The following ZNF395 variants were observed in gnomAD, a reference collection of about 807,000 sequenced individuals.
The protein encoded by ZNF395 is zinc finger protein 395.
ZNF395 carries 20 observed loss-of-function variants against 57.7 expected under a neutral mutation model. That is an observed-to-expected ratio of 0.35 (90% confidence interval 0.24 to 0.50). The LOEUF (loss-of-function observed/expected upper bound fraction) is 0.50, where lower values mean the gene tolerates loss of function less well. Ranked by LOEUF, ZNF395 falls within the 20% of genes least tolerant of loss-of-function variation. The probability of loss-of-function intolerance (pLI) is 0.97; values close to 1 mark genes in which losing one functional copy is unlikely to be tolerated. For missense variants in ZNF395, 606 were observed against 671.2 expected (o/e 0.90, Z 1.07); for synonymous variants, 295 against 275.9 (o/e 1.07, Z -0.69).
chr8:28,358,644 C>G (rs1472000003), intron 3 of ZNF395, among the ~76,000 whole-genome samples: 1 of 152,100 alleles, frequency 6.6e-6, no homozygotes, highest in Non-Finnish European at 1.5e-5. Flanking sequence ...CCTATGTTGC[C>G]CAGGCTGGTC....
rs71549661 is a variant in ZNF395, at chr8:28,377,748, CTTT to C, written c.-59+8642_-59+8644del. ...GAATAGAAGTGGCATGATGATCCCA[CTTT>C]TTTTTTTTTTTTTTTTTTTTTTGAG... On this transcript the variant is annotated intron_variant, in intron 1 of 9. Coordinates refer to ENST00000344423, the MANE Select transcript of ZNF395 (RefSeq NM_018660.3). 8.9e-5 allele frequency among the ~76,000 whole-genome samples: 9 copies of C among 100,636 alleles called. No individual in the cohort carries two copies. The South Asian group carries it at 1.6e-3, about 18-fold the overall frequency. 66.0% of individuals were successfully genotyped at this position (100,636 alleles called of 152,430 possible).
At chr8:28,373,587 T>A (rs938699343) in intron 1 of ZNF395, among the ~76,000 whole-genome samples, 3 of 152,180 alleles carry the variant, frequency 2.0e-5, no homozygotes, top group Admixed American at 6.5e-5. Context: ...GAACTGAGTT[T>A]AGAATTTCCC....
chr8:28,351,741 C>G lies in ZNF395; in HGVS notation c.987G>C (p.Lys329Asn). ...EDFYYTEVQL[K>N]EESAAAAAAA... Reference sequence around the variant, plus strand: ...CAGCAGCAGCAGCAGCAGATTCCTCCTTCAGCTGCACCTCTGTGTAGTAGA... The same window carrying G: ...CAGCAGCAGCAGCAGCAGATTCCTCGTTCAGCTGCACCTCTGTGTAGTAGA... Residue 329 changes from lysine to asparagine, a missense_variant, in exon 7 of 10, where the codon AAG (lysine) becomes AAC (asparagine). Lys to Asn is a moderately conservative substitution (Grantham distance 94, BLOSUM62 0). Around this residue, in one of 3 missense-constraint regions of ZNF395, gnomAD observed 261 missense variants for 240.3 expected, o/e 1.09. Coordinates refer to ENST00000344423, the MANE Select transcript of ZNF395 (RefSeq NM_018660.3). 6.2e-6 allele frequency: 10 copies of G among 1,604,084 alleles called. No homozygotes were observed. The highest frequency in any genetic ancestry group is 8.5e-6 in the Non-Finnish European group (10 of 1,179,202).
rs1428245578 is a variant in ZNF395 at position 28,348,157 on chromosome 8, G to T, written c.*562C>A. 6.6e-6 allele frequency: 1 copy of T among 151,904 alleles called. No homozygotes were observed. Among genetic ancestry groups the T allele is most frequent in the East Asian group, 1.9e-4 (1 of 5,190 alleles). 9.4% of individuals were successfully genotyped at this position (151,904 alleles called of 1,614,324 possible). On this transcript the variant is annotated 3_prime_UTR_variant, in exon 10 of 10. Coordinates refer to ENST00000344423, the MANE Select transcript of ZNF395 (RefSeq NM_018660.3). Reference sequence around the variant, plus strand: ...GGGATTTCCTTTGACTTCCATGCAGGATGCTCAGACAGGGAACAGGAGGTA... The same window carrying T: ...GGGATTTCCTTTGACTTCCATGCAGTATGCTCAGACAGGGAACAGGAGGTA...
Position 28,351,520 on chromosome 8 carries a change from T to C in ZNF395, c.1208A>G (p.His403Arg), listed in dbSNP as rs764777468. 3.1e-6 allele frequency: 5 copies of C among 1,611,180 alleles called. No individual in the cohort carries two copies. In the Admixed American group the frequency reaches 8.3e-5, roughly 27 times the overall value. ...CTGGTATGCATGATCTGCCTGAATG[T>C]GCCAGAAGGACCCAGGAGCTGACTT... ...LSKSAPGSFW[H>R]IQADHAYQAL... The change falls in exon 7 of 10, where the codon CAC becomes CGC. Residue 403 changes from histidine to arginine, a missense_variant. His to Arg is a conservative substitution (Grantham distance 29). Coordinates refer to ENST00000344423, the MANE Select transcript of ZNF395 (RefSeq NM_018660.3).
At chr8:28,364,276 T>A (rs770623804) in intron 1 of ZNF395, among the ~76,000 whole-genome samples, 12 of 152,124 alleles carry the variant, frequency 7.9e-5, no homozygotes, top group Non-Finnish European at 1.3e-4. Context: ...AGGTGTGGGA[T>A]CTCTCAAAAT....
rs1864692 is a variant in ZNF395 at position 28,386,380 on chromosome 8, C to T, written c.-59+13G>A. On this transcript the variant is annotated intron_variant, in intron 1 of 9. Coordinates refer to ENST00000344423, the MANE Select transcript of ZNF395 (RefSeq NM_018660.3). The stretch of plus-strand genomic sequence containing the variant: ...CCCGCCCAGCACGCCCCCAGCGCGC[C>T]TGGGCTACACACCCCCGGCCGCCCG... The T allele has an allele frequency of 1.3e-5, 2 of 148,918 alleles. No homozygotes were observed. Among genetic ancestry groups the T allele is most frequent in the Non-Finnish European group, 3.0e-5 (2 of 66,896 alleles). 9.2% of individuals were successfully genotyped at this position (148,918 alleles called of 1,614,324 possible).
rs184331410 is a variant in ZNF395, at chr8:28,366,983, C to G, written c.-58-5801G>C. ...TCTGGAATTACCAGGTCCTGTTACC[C>G]TATTTTTAAGAGGGGTGTGGTGTGT... On this transcript the variant is annotated intron_variant, in intron 1 of 9. Coordinates refer to ENST00000344423, the MANE Select transcript of ZNF395 (RefSeq NM_018660.3). 9.2e-5 allele frequency among the ~76,000 whole-genome samples: 14 copies of G among 151,966 alleles called. 1 individual carries two copies. Among genetic ancestry groups the G allele is most frequent in the African/African-American group, 3.4e-4 (14 of 41,296 alleles).
intron 1 of ZNF395, among the ~76,000 whole-genome samples, chr8:28,380,606 C>T (rs529456193): frequency 2.1e-4 from 32 of 152,258 alleles, no homozygotes; most frequent in African/African-American, 7.7e-4. Context: ...ACCATCCAGC[C>T]CACGTCTTAC....
chr8:28,352,779 AC>A lies in ZNF395; in HGVS notation c.820-107del. On this transcript the variant is annotated intron_variant, in intron 5 of 9. Coordinates refer to ENST00000344423, the MANE Select transcript of ZNF395 (RefSeq NM_018660.3). This position sits in a 1 kb window ranked among gnomAD's most constrained non-coding sequence, Gnocchi z 4.0. ...TGGCTGCTGTCCCCGGCCTGACCCA[AC>A]AAAAACCTCCAGGAAAGGGGTTCTC... is the stretch of plus-strand genomic sequence containing the variant. 8.7e-6 allele frequency: 8 copies of A among 922,908 alleles called. No individual in the cohort carries two copies. Among genetic ancestry groups the A allele is most frequent in the Non-Finnish European group, 1.3e-5 (8 of 597,380 alleles). The allele number at this position is 922,908 out of a possible 1,614,324, so 57.2% of individuals were successfully genotyped here. A position where few individuals can be genotyped will look rare whatever the true frequency, so the allele number is the denominator to read the frequency against.
At chr8:28,362,970 A>T (rs1386985519) in intron 1 of ZNF395, among the ~76,000 whole-genome samples, 1 of 152,220 alleles carries the variant, frequency 6.6e-6, no homozygotes, top group Non-Finnish European at 1.5e-5. Context: ...ACGCAGACAG[A>T]AATTCCTAGT....
chr8:28,350,003 TGGGATGTGTGGGAGAGCCCTC>T, intron 8 of ZNF395, 40 bp downstream of exon 8: 1 of 1,456,846 alleles, frequency 6.9e-7, no homozygotes, highest in Non-Finnish European at 9.1e-7. Context: ...CCTCCAGCCC[TGGGATGTGTGGGAGAGCCCTC>T]GGCCATACGA....
In ZNF395 at chr8:28,348,640, G is replaced by T; in HGVS notation, c.*79C>A. 3 of 1,308,174 alleles carry T rather than the reference G, an allele frequency of 2.3e-6. No homozygotes were observed. The highest frequency in any genetic ancestry group is 3.5e-5 in the Admixed American group (2 of 57,656). The allele number at this position is 1,308,174 out of a possible 1,614,324, so 81.0% of individuals were successfully genotyped here. On this transcript the variant is annotated 3_prime_UTR_variant, in exon 10 of 10. Transcript: ENST00000344423. ...TTCCGTTCTTTCTCTTTCGGTTTCT[G>T]CTGAGGGCTGGTGACACACTGGCCT...
chr8:28,366,901 T>C (rs1254366734), intron 1 of ZNF395, among the ~76,000 whole-genome samples: 4 of 151,056 alleles, frequency 2.6e-5, no homozygotes, highest in East Asian at 1.9e-4. Context: ...TGGCTTTCAA[T>C]AGAAAGCCAG....
Position 28,359,950 on chromosome 8 carries a change from C to G in ZNF395, c.241-126G>C. ...AAACCATGTTCTCTGCCTCACTCATCTTTTATTCAAGCAGATGTTCCCAGG... is the reference window on the plus strand; with the variant it reads ...AAACCATGTTCTCTGCCTCACTCATGTTTTATTCAAGCAGATGTTCCCAGG... On this transcript the variant is annotated intron_variant, in intron 2 of 9. Transcript: ENST00000344423. This position sits in a 1 kb window ranked among gnomAD's most constrained non-coding sequence, Gnocchi z 4.7. 7.0e-7 allele frequency: 1 copy of G among 1,422,314 alleles called. No individual in the cohort carries two copies. Among genetic ancestry groups the G allele is most frequent in the South Asian group, 1.5e-5 (1 of 68,796 alleles). The allele number at this position is 1,422,314 out of a possible 1,614,324, so 88.1% of individuals were successfully genotyped here.
chr8:28,368,298 CA>C (rs1326996306), intron 1 of ZNF395, among the ~76,000 whole-genome samples: 1 of 152,180 alleles, frequency 6.6e-6, no homozygotes, highest in Non-Finnish European at 1.5e-5. Context: ...AAAGCACCCA[CA>C]AATGCTTGAA....
chr8:28,358,092 G>C (rs1030636970), intron 3 of ZNF395, among the ~76,000 whole-genome samples: 1 of 151,468 alleles, frequency 6.6e-6, no homozygotes, highest in African/African-American at 2.4e-5. Flanking sequence ...AGGGTTTCAA[G>C]CTAAGAATGG....
In ZNF395 at chr8:28,353,209, A is replaced by G. The variant is rs1469086706; in HGVS notation, c.783T>C (p.Pro261=). The change falls in exon 5 of 10, where the codon CCT becomes CCC. Residue 261 remains proline, a synonymous_variant. Transcript: ENST00000344423. Reference sequence around the variant, plus strand: ...GTGGAGCTGGTTCGTCCAGCAGGAAAGGGTCAGGATCGGTCTCAAAGCCAT... The same window carrying G: ...GTGGAGCTGGTTCGTCCAGCAGGAAGGGGTCAGGATCGGTCTCAAAGCCAT... The part of the protein sequence containing the change: ...TDHGFETDPD[P]FLLDEPAPRK... 6.2e-7 allele frequency: 1 copy of G among 1,608,656 alleles called. No individual in the cohort carries two copies. Among genetic ancestry groups the G allele is most frequent in the African/African-American group, 1.3e-5 (1 of 74,398 alleles).
In ZNF395 at chr8:28,360,909, C is replaced by G. The variant is rs1364011435; in HGVS notation, c.216G>C (p.Gln72His). The G allele has an allele frequency of 6.2e-7, 1 of 1,613,954 alleles. No individual in the cohort carries two copies. The highest frequency in any genetic ancestry group is 1.1e-5 in the South Asian group (1 of 91,084). Reference sequence around the variant, plus strand: ...CCTTCTGCCCAGGCTGAAAGGCCACCTGCTGAAGGCCCGAGGTGCTGGGAG... The same window carrying G: ...CCTTCTGCCCAGGCTGAAAGGCCACGTGCTGAAGGCCCGAGGTGCTGGGAG... ...LKAPSTSGLQ[Q>H]VAFQPGQKVY... Residue 72 changes from glutamine (Q) to histidine (H), a missense_variant, in exon 2 of 10, where the codon CAG (glutamine) becomes CAC (histidine). By Grantham distance (24) the Gln-to-His change is conservative (BLOSUM62 0). Transcript: ENST00000344423.
Sources: gnomAD v4.1 joint callset for allele counts (sites outside exome capture counted in the v4.1 genomes callset) on GRCh38, gnomAD v4.1.1 for gene constraint, gnomAD v4.1.1 regional missense constraint, Gnocchi (gnomAD v3.1) non-coding constraint, MANE v1.5 for transcripts, NCBI Gene and HGNC (gene_info 2026-07-23, HGNC 2026-07-21) for gene names.